Variants in MAP3K5 observed in about 807,000 individuals in gnomAD.
MAP3K5 encodes the protein ASK-1.
A neutral mutation model predicts 158.7 loss-of-function variants in MAP3K5; 56 were observed. That is an observed-to-expected ratio of 0.35 (90% CI 0.28 to 0.44). The LOEUF is 0.44. Ranked by LOEUF, MAP3K5 falls within the 20% of genes least tolerant of loss-of-function variation. The pLI, the probability that MAP3K5 is intolerant of heterozygous loss-of-function variation, is 1.00. For synonymous variants in MAP3K5, 579 were observed against 601.7 expected, an observed-to-expected ratio of 0.96 and a Z score of 0.55; for missense variants, 1,294 against 1,674.8, an observed-to-expected ratio of 0.77 and a Z score of 3.97.
At chr6:136,728,192 T>C (rs1782056375) in intron 1 of MAP3K5, among the ~76,000 whole-genome samples, 1 of 152,338 alleles carries the variant, frequency 6.6e-6, no homozygotes, top group Non-Finnish European at 1.5e-5. Context: ...GGTCATCGAA[T>C]GGCAGTGGCT....
At chr6:136,675,002 C>T (rs1779645650) in intron 7 of MAP3K5, among the ~76,000 whole-genome samples, 1 of 151,704 alleles carries the variant, frequency 6.6e-6, no homozygotes, top group South Asian at 2.1e-4. Flanking sequence ...TGAAATGATG[C>T]ATAAAGATGT....
intron 7 of MAP3K5, among the ~76,000 whole-genome samples, chr6:136,671,050 T>C (rs1323952762): frequency 6.6e-6 from 1 of 152,130 alleles, no homozygotes; most frequent in Non-Finnish European, 1.5e-5. Flanking sequence ...AAGTATAATG[T>C]CCCAACAAAA....
intron 1 of MAP3K5, among the ~76,000 whole-genome samples, chr6:136,753,999 G>A (rs1350940375): frequency 1.3e-5 from 2 of 152,238 alleles, no homozygotes; most frequent in Non-Finnish European, 2.9e-5. Context: ...CCGAGGCTGG[G>A]TGCAGTGGCT....
At chr6:136,696,258 A>G (rs984262052) in intron 5 of MAP3K5, among the ~76,000 whole-genome samples, 4 of 152,258 alleles carry the variant, frequency 2.6e-5, no homozygotes, top group Non-Finnish European at 5.9e-5. Flanking sequence ...ATATAAAAAC[A>G]TTAGAAACAT....
At chr6:136,628,160 G>A (rs368122517) in intron 14 of MAP3K5, among the ~76,000 whole-genome samples, 5 of 151,682 alleles carry the variant, frequency 3.3e-5, no homozygotes, top group Non-Finnish European at 7.4e-5. Context: ...CGCCTAGGCC[G>A]GAGTGCAGTG....
intron 2 of MAP3K5, among the ~76,000 whole-genome samples, chr6:136,719,389 T>C (rs1399746697): frequency 6.6e-6 from 1 of 152,066 alleles, no homozygotes; most frequent in Admixed American, 6.6e-5. Flanking sequence ...TTGCTCCAGG[T>C]AAAGGATTGC....
At chr6:136,769,398 T>C (rs1277730179) in intron 1 of MAP3K5, among the ~76,000 whole-genome samples, 1 of 152,048 alleles carries the variant, frequency 6.6e-6, no homozygotes, top group African/African-American at 2.4e-5. Flanking sequence ...ATTTTTGAGG[T>C]GCCAAAAATG....
intron 2 of MAP3K5, among the ~76,000 whole-genome samples, chr6:136,707,319 T>C (rs1359640254): frequency 2.0e-5 from 3 of 152,212 alleles, no homozygotes; most frequent in Admixed American, 2.0e-4. Flanking sequence ...CTATGCTTTA[T>C]CAGAGAAAGA....
chr6:136,589,176 G>A (rs1775274903), intron 23 of MAP3K5, among the ~76,000 whole-genome samples: 1 of 152,328 alleles, frequency 6.6e-6, no homozygotes. Flanking sequence ...TAAAAGATGA[G>A]AACAGGTAAA....
intron 1 of MAP3K5, among the ~76,000 whole-genome samples, chr6:136,789,675 C>CT (rs57162918): frequency 0.022 from 1,709 of 78,764 alleles, 56 homozygotes; most frequent in African/African-American, 0.024. Context: ...AGCACAACCT[C>CT]TTTTTTTTTT....
At position 136,609,644 on chromosome 6, in the gene MAP3K5, A is replaced by C. The variant is rs979915236; in HGVS notation, c.2521+1638T>G. 2.0e-5 allele frequency among the ~76,000 whole-genome samples: 3 copies of C among 151,690 alleles called. No homozygotes were observed. The highest frequency in any genetic ancestry group is 7.3e-5 in the African/African-American group (3 of 41,250). Reference sequence around the variant, plus strand: ...CCTGTCTCTACCAAAAATACAAAAAATTAGCCAGGCATGGAGGTGCGTGCC... The same window carrying C: ...CCTGTCTCTACCAAAAATACAAAAACTTAGCCAGGCATGGAGGTGCGTGCC... On this transcript the variant is annotated intron_variant, in intron 18 of 29. Transcript: ENST00000359015. The surrounding 1 kb of genome is among the most constrained non-coding windows in gnomAD (Gnocchi z 4.4).
chr6:136,636,695 T>A, intron 14 of MAP3K5: 2 of 356,614 alleles, frequency 5.6e-6, no homozygotes, highest in Non-Finnish European at 7.8e-6. Flanking sequence ...GTAATTCTAG[T>A]GCTTTGGGAG....
At chr6:136,784,368 TA>T (rs1439029934) in intron 1 of MAP3K5, among the ~76,000 whole-genome samples, 5 of 152,286 alleles carry the variant, frequency 3.3e-5, no homozygotes, top group African/African-American at 9.6e-5. Flanking sequence ...TAAGCTCTTT[TA>T]AAAAAATTAT....
chr6:136,762,632 G>A (rs1223138464), intron 1 of MAP3K5, among the ~76,000 whole-genome samples: 2 of 152,214 alleles, frequency 1.3e-5, no homozygotes, highest in South Asian at 2.1e-4. Context: ...GTAAAGCACC[G>A]AGGGAAATTA....
intron 5 of MAP3K5, among the ~76,000 whole-genome samples, chr6:136,696,465 AAC>A (rs1304425481): frequency 1.3e-5 from 2 of 152,214 alleles, no homozygotes; most frequent in Non-Finnish European, 2.9e-5. Flanking sequence ...TACAAGTAGC[AAC>A]ACAGTTTCAT....
Position 136,792,004 on chromosome 6 carries a change from CCGG to C in MAP3K5, c.151_153del (p.Pro51del). On this transcript the variant is annotated inframe_deletion, in exon 1 of 30. Coordinates refer to ENST00000359015, the MANE Select transcript of MAP3K5 (RefSeq NM_005923.4). The surrounding 1 kb of genome is among the most constrained non-coding windows in gnomAD (Gnocchi z 5.7). ...GCGCTCTCCACGTTCCAGAAGCTGC[CCGG>C]CGGCGGCGGTGGCAGCTGGTGCTCC... The C allele has an allele frequency of 2.5e-6, 4 of 1,588,918 alleles. No homozygotes were observed. The highest frequency in any genetic ancestry group is 1.1e-5 in the South Asian group (1 of 89,490).
chr6:136,582,570 C>T (rs373019432), intron 24 of MAP3K5, among the ~76,000 whole-genome samples: 7 of 152,212 alleles, frequency 4.6e-5, no homozygotes, highest in Admixed American at 2.0e-4. Context: ...TTGTCCCTGC[C>T]CACAATATAG....
chr6:136,622,267 T>C (rs949633798), intron 15 of MAP3K5, among the ~76,000 whole-genome samples: 1 of 152,084 alleles, frequency 6.6e-6, no homozygotes, highest in Non-Finnish European at 1.5e-5. Flanking sequence ...GACTTCACAG[T>C]GGGCCTCTAG....
intron 1 of MAP3K5, among the ~76,000 whole-genome samples, chr6:136,769,765 A>G (rs576064374): frequency 3.9e-4 from 13 of 33,436 alleles, no homozygotes; most frequent in African/African-American, 8.2e-4. Flanking sequence ...GGAAGGAAGG[A>G]AGGAAGGAAG....
Sources: gnomAD v4.1 joint callset for allele counts (sites outside exome capture counted in the v4.1 genomes callset) on GRCh38, gnomAD v4.1.1 for gene constraint, Gnocchi (gnomAD v3.1) non-coding constraint, MANE v1.5 for transcripts, NCBI Gene and HGNC (gene_info 2026-07-23, HGNC 2026-07-21) for gene names.